GNPTAB: variants seen among roughly 807,000 people sequenced by gnomAD.
The protein encoded by GNPTAB is N-acetylglucosamine-1-phosphate transferase subunits alpha and beta, also known as N-acetylglucosamine-1-phosphotransferase subunits alpha/beta.
Under a neutral mutation model 136.6 loss-of-function variants are expected in GNPTAB, and 92 were observed. That is an observed-to-expected ratio of 0.67 (90% confidence interval 0.57 to 0.80). The LOEUF (loss-of-function observed/expected upper bound fraction) is 0.80, where lower values mean the gene tolerates loss of function less well. GNPTAB is among the 30% of genes least tolerant of loss of function. GNPTAB has a pLI of 0.00. For synonymous variants in GNPTAB, 512 were observed against 535.1 expected (o/e 0.96, Z 0.60); for missense variants, 1,343 against 1,501.8 (o/e 0.89, Z 1.75).
At chr12:101,801,440 T>C (rs569204958) in intron 1 of GNPTAB, among the ~76,000 whole-genome samples, 1 of 142,774 alleles carries the variant, frequency 7.0e-6, no homozygotes, top group Non-Finnish European at 1.5e-5. Flanking sequence ...CCTGGGAGGC[T>C]GAAGCGGCAG....
intron 7 of GNPTAB, chr12:101,773,311 G>A: frequency 4.0e-6 from 1 of 249,584 alleles, no homozygotes; most frequent in East Asian, 1.1e-4. Flanking sequence ...CACCCCCCAT[G>A]CTCTCCACCT....
At chr12:101,753,766 ATTAAT>A (rs746912022) in intron 18 of GNPTAB, among the ~76,000 whole-genome samples, 4 of 152,220 alleles carry the variant, frequency 2.6e-5, no homozygotes, top group Non-Finnish European at 4.4e-5. Flanking sequence ...ATGGGAGTAA[ATTAAT>A]TTAATGACTT....
chr12:101,820,620 C>T (rs1000605530), intron 1 of GNPTAB, among the ~76,000 whole-genome samples: 1 of 152,218 alleles, frequency 6.6e-6, no homozygotes, highest in Non-Finnish European at 1.5e-5. Context: ...CATGCCCCAG[C>T]TGTATCAACC....
At chr12:101,822,295 C>T (rs1163848729) in intron 1 of GNPTAB, among the ~76,000 whole-genome samples, 2 of 152,170 alleles carry the variant, frequency 1.3e-5, no homozygotes, top group African/African-American at 4.8e-5. Flanking sequence ...AGCCTGTAGT[C>T]CCAGCTACTC....
At chr12:101,760,221 A>G in intron 15 of GNPTAB, 78 bp from the exon 16 acceptor site, 1 of 905,902 alleles carries the variant, frequency 1.1e-6, no homozygotes, top group Non-Finnish European at 1.8e-6. Flanking sequence ...AAATTAAGTG[A>G]AAGCTTCCAA....
chr12:101,761,043 A>C (rs764631809), intron 15 of GNPTAB, 84 bp downstream of exon 15: 2 of 999,658 alleles, frequency 2.0e-6, no homozygotes, highest in Non-Finnish European at 3.1e-6. Context: ...AAGTGCTGGG[A>C]TTACAGGTGT....
chr12:101,806,899 G>A (rs940935743), intron 1 of GNPTAB, among the ~76,000 whole-genome samples: 1 of 151,974 alleles, frequency 6.6e-6, no homozygotes, highest in Non-Finnish European at 1.5e-5. Flanking sequence ...TCAGAAAATG[G>A]AAGCAGAGAG....
chr12:101,770,908 C>A, intron 8 of GNPTAB, 88 bp downstream of exon 8: 1 of 1,180,944 alleles, frequency 8.5e-7, no homozygotes, highest in South Asian at 1.2e-5. Flanking sequence ...CTCTGTAAGT[C>A]CCCTTCCCTC....
intron 16 of GNPTAB, 74 bp downstream of exon 16, chr12:101,759,956 T>C: frequency 1.1e-6 from 1 of 897,134 alleles, no homozygotes; most frequent in Non-Finnish European, 1.9e-6. Context: ...TGAAGTGCTA[T>C]ACAGAAATGC....
Position 101,753,403 on chromosome 12 carries a change from G to A in GNPTAB, c.3571C>T (p.Arg1191Cys), listed in dbSNP as rs1481471124. 12 of 1,613,890 alleles carry A rather than the reference G, an allele frequency of 7.4e-6. No homozygotes were observed. Among genetic ancestry groups the A allele is most frequent in the East Asian group, 4.5e-5 (2 of 44,884 alleles). ...TGCAGCTCATGCATATGAAGGAAACGGTTTCGATACTCTCTTGGCAGTTCA... is the reference window on the plus strand; with the variant it reads ...TGCAGCTCATGCATATGAAGGAAACAGTTTCGATACTCTCTTGGCAGTTCA... Reference protein sequence around the residue: ...QFELPREYRNRFLHMHELQEW... With the variant: ...QFELPREYRNCFLHMHELQEW... The change falls in exon 19 of 21, where the codon CGT (arginine) becomes TGT (cysteine). Residue 1191 changes from arginine to cysteine, a missense_variant. Coordinates refer to ENST00000299314, the MANE Select transcript of GNPTAB (RefSeq NM_024312.5).
intron 14 of GNPTAB, 54 bp from the exon 15 acceptor site, chr12:101,761,400 C>G: frequency 1.3e-6 from 2 of 1,548,404 alleles, no homozygotes; most frequent in Non-Finnish European, 1.8e-6. Context: ...TGTACCGTAT[C>G]TAACATTTGC....
intron 11 of GNPTAB, 63 bp downstream of exon 11, chr12:101,767,974 A>C (rs1249100018): frequency 6.5e-7 from 1 of 1,530,366 alleles, no homozygotes; most frequent in East Asian, 2.2e-5. Flanking sequence ...GCACATGTTC[A>C]ATAATGATTA....
At chr12:101,800,857 G>C (rs1305730866) in intron 1 of GNPTAB, among the ~76,000 whole-genome samples, 1 of 151,964 alleles carries the variant, frequency 6.6e-6, no homozygotes, top group Non-Finnish European at 1.5e-5. Context: ...TACTTTAATT[G>C]GTACCTTGAA....
chr12:101,775,490 G>A (rs1299981618), intron 7 of GNPTAB, among the ~76,000 whole-genome samples: 1 of 151,688 alleles, frequency 6.6e-6, no homozygotes, highest in Non-Finnish European at 1.5e-5. Flanking sequence ...CTCCCGAGTA[G>A]CTGGGATTAC....
chr12:101,819,381 T>C lies in GNPTAB; in HGVS notation c.117+11178A>G, dbSNP rs190755659. ...TCACAGCAGTATGAAAATGGACTAA[T>C]ACACTGGCCCAAAGTGAACACCTCC... On this transcript the variant is annotated intron_variant, in intron 1 of 20. Transcript: ENST00000299314. Among the ~76,000 whole-genome samples the C allele has an allele frequency of 1.6e-3, 251 of 152,230 alleles. 1 individual carries two copies. The highest frequency in any genetic ancestry group is 3.4e-3 in the Middle Eastern group (1 of 294).
chr12:101,747,413 G>A lies in GNPTAB; in HGVS notation c.3694-172C>T, dbSNP rs531578775. On this transcript the variant is annotated intron_variant, in intron 20 of 20. Coordinates refer to ENST00000299314, the MANE Select transcript of GNPTAB (RefSeq NM_024312.5). ...TCTTCCAAAACAAAAACAAATATTA[G>A]TTTTGTTTAGCTTTGTAGGGACAGT... Among the ~76,000 whole-genome samples, 17 of 152,178 alleles carry A rather than the reference G, an allele frequency of 1.1e-4. No homozygotes were observed. The South Asian group carries it at 1.7e-3, about 15-fold the overall frequency.
intron 1 of GNPTAB, among the ~76,000 whole-genome samples, chr12:101,830,216 G>A (rs1871296778): frequency 6.6e-6 from 1 of 152,152 alleles, no homozygotes; most frequent in African/African-American, 2.4e-5. Context: ...AACATAGGGA[G>A]ACCTCCGTCT....
chr12:101,790,104 A>G, intron 2 of GNPTAB, 47 bp from the exon 3 acceptor site: 2 of 1,613,250 alleles, frequency 1.2e-6, no homozygotes, highest in South Asian at 1.1e-5. Context: ...TTTTTCCAAT[A>G]TATTTGGTAA....
Position 101,770,537 on chromosome 12 carries a change from C to T in GNPTAB, c.982G>A (p.Glu328Lys). 6.2e-7 allele frequency: 1 copy of T among 1,613,638 alleles called. No homozygotes were observed. Among genetic ancestry groups the T allele is most frequent in the Non-Finnish European group, 8.5e-7 (1 of 1,179,572 alleles). The change falls in exon 9 of 21, where the codon GAA becomes AAA. Residue 328 changes from glutamate to lysine, a missense_variant. Glu to Lys is a moderately conservative substitution (Grantham distance 56). Coordinates refer to ENST00000299314, the MANE Select transcript of GNPTAB (RefSeq NM_024312.5). The part of the protein sequence containing the change: ...ISASRFEDNE[E>K]LRYSLRSIER... Reference sequence around the variant, plus strand: ...ATAGATCGCAATGAGTACCTCAGTTCTTCGTTATCTTCAAAACGACTGGCA... The same window carrying T: ...ATAGATCGCAATGAGTACCTCAGTTTTTCGTTATCTTCAAAACGACTGGCA...
Sources: allele counts gnomAD v4.1 joint callset (sites outside exome capture counted in the v4.1 genomes callset), GRCh38; gene constraint gnomAD v4.1.1; transcripts MANE v1.5; gene names NCBI Gene and HGNC (gene_info 2026-07-23, HGNC 2026-07-21).